SETD1B: variants seen among roughly 807,000 people sequenced by gnomAD.
The protein encoded by SETD1B is SET domain containing 1B, histone lysine methyltransferase.
SETD1B carries 7 observed loss-of-function variants against 148.0 expected under a neutral mutation model. The observed-to-expected ratio is 0.05, with a 90% confidence interval of 0.03 to 0.09. The LOEUF (loss-of-function observed/expected upper bound fraction) is 0.09, where lower values mean the gene tolerates loss of function less well. Ranked by LOEUF, SETD1B falls within the 10% of genes least tolerant of loss-of-function variation. The pLI, the probability that SETD1B is intolerant of heterozygous loss-of-function variation, is 1.00. For synonymous variants in SETD1B, 1,361 were observed against 1,186.5 expected, an observed-to-expected ratio of 1.15 and a Z score of -3.02; for missense variants, 2,155 against 2,729.9, an observed-to-expected ratio of 0.79 and a Z score of 4.69.
intron 6 of SETD1B, among the ~76,000 whole-genome samples, chr12:121,812,801 C>T (rs980647581): frequency 3.3e-5 from 5 of 151,992 alleles, no homozygotes; most frequent in Admixed American, 2.6e-4. Context: ...CAGAGGGGAC[C>T]TGGTAAAGTC....
At position 121,817,570 on chromosome 12, in the gene SETD1B, CCCTCGT is replaced by C. The variant is rs1876356171; in HGVS notation, c.3184_3189del (p.Ser1062_Ser1063del). 6.4e-7 allele frequency: 1 copy of C among 1,551,120 alleles called. No individual in the cohort carries two copies. Among genetic ancestry groups the C allele is most frequent in the Non-Finnish European group, 8.7e-7 (1 of 1,146,596 alleles). ...ATCCTCGGGGTCCTCAACCACCTCA[CCCTCGT>C]CCTCGGCCTCCGACAAGGAGGAGGA... is the stretch of plus-strand genomic sequence containing the variant. On this transcript the variant is annotated inframe_deletion, in exon 9 of 17. Coordinates refer to ENST00000604567, the MANE Select transcript of SETD1B (RefSeq NM_001353345.2). This position sits in a 1 kb window ranked among gnomAD's most constrained non-coding sequence, Gnocchi z 8.1.
the SETD1B span, among the ~76,000 whole-genome samples, chr12:121,791,370 C>T: frequency 6.6e-6 from 1 of 152,162 alleles, no homozygotes; most frequent in African/African-American, 2.4e-5. Context: ...CTGATTTAAT[C>T]CTCATGACCC....
At chr12:121,806,656 CGGGGAAGAGCAGAGCCG>C (rs1875758669) in intron 4 of SETD1B, among the ~76,000 whole-genome samples, 1 of 152,168 alleles carries the variant, frequency 6.6e-6, no homozygotes, top group East Asian at 1.9e-4. Flanking sequence ...ACAGAGCCGC[CGGGGAAGAGCAGAGCCG>C]GGAAGAGGGA....
the SETD1B span, among the ~76,000 whole-genome samples, chr12:121,798,984 C>T: frequency 6.6e-6 from 1 of 152,210 alleles, no homozygotes. Flanking sequence ...GGGCTGGAGT[C>T]TCAAAATGTG....
rs1229519961 is a variant in SETD1B at position 121,814,290 on chromosome 12, C to T, written c.2075C>T (p.Pro692Leu). ...CCACCTGGCTTCCCCCCGCTGCCCC[C>T]CCCACCACCACCACCCCCACCGCAG... ...PPPPGFPPLPPPPPPPPPQPG... is the reference protein window; with the variant it reads ...PPPPGFPPLPLPPPPPPPQPG... Residue 692 changes from proline to leucine, a missense_variant, in exon 7 of 17, where the codon CCC becomes CTC. Physicochemically the swap from Pro to Leu is moderately conservative, Grantham distance 98. Coordinates refer to ENST00000604567, the MANE Select transcript of SETD1B (RefSeq NM_001353345.2). 4 of 1,012,466 alleles carry T rather than the reference C, an allele frequency of 4.0e-6. No homozygotes were observed. The highest frequency in any genetic ancestry group is 1.5e-5 in the South Asian group (1 of 67,100). The allele number at this position is 1,012,466 out of a possible 1,614,324, so 62.7% of individuals were successfully genotyped here.
Position 121,822,667 on chromosome 12 carries a change from C to T in SETD1B, c.4088C>T (p.Thr1363Ile), listed in dbSNP as rs1876621084. The T allele has an allele frequency of 2.6e-6, 4 of 1,546,648 alleles. No homozygotes were observed. The highest frequency in any genetic ancestry group is 2.5e-5 in the East Asian group (1 of 40,774). ...CTTGCCGAGGACCACCCCCCGCATA[C>T]TCCAGGCCTCTGTGGCAGCCTGGCC... ...EPLAEDHPPHTPGLCGSLAKS... is the reference protein window; with the variant it reads ...EPLAEDHPPHIPGLCGSLAKS... Residue 1363 changes from threonine to isoleucine, a missense_variant, in exon 12 of 17, where the codon ACT (threonine) becomes ATT (isoleucine). By Grantham distance (89) the Thr-to-Ile change is moderately conservative (BLOSUM62 -1). Around this residue, in one of 11 missense-constraint regions of SETD1B, gnomAD observed 862 missense variants for 873.8 expected, o/e 0.99. Coordinates refer to ENST00000604567, the MANE Select transcript of SETD1B (RefSeq NM_001353345.2).
Position 121,805,001 on chromosome 12 carries a change from G to A in SETD1B, c.174+90G>A. The A allele has an allele frequency of 6.8e-7, 1 of 1,461,546 alleles. No homozygotes were observed. Among genetic ancestry groups the A allele is most frequent in the South Asian group, 1.3e-5 (1 of 74,514 alleles). The allele number at this position is 1,461,546 out of a possible 1,614,324, so 90.5% of individuals were successfully genotyped here. On this transcript the variant is annotated intron_variant, in intron 2 of 16. Coordinates refer to ENST00000604567, the MANE Select transcript of SETD1B (RefSeq NM_001353345.2). This position sits in a 1 kb window ranked among gnomAD's most constrained non-coding sequence, Gnocchi z 4.2. ...CCAGGGACCCCCCGCCCGATCCCCC[G>A]GCCAACTGTCAGACGGGGCCCCAGC...
chr12:121,813,394 C>A (rs894421221), intron 6 of SETD1B, among the ~76,000 whole-genome samples: 1 of 152,232 alleles, frequency 6.6e-6, no homozygotes, highest in Non-Finnish European at 1.5e-5. Context: ...TCCTGCCTGG[C>A]CGTCTGCCGC....
chr12:121,813,188 A>G (rs1876122657), intron 6 of SETD1B, among the ~76,000 whole-genome samples: 1 of 152,250 alleles, frequency 6.6e-6, no homozygotes, highest in Non-Finnish European at 1.5e-5. Flanking sequence ...GGGTCGGAGC[A>G]GAGCCCCCCG....
At chr12:121,809,500 C>T (rs117066558) in intron 5 of SETD1B, 103 bp from the exon 6 acceptor site, 13,485 of 1,231,578 alleles carry the variant, frequency 0.011, 96 homozygotes, top group Non-Finnish European at 0.013. Context: ...AGTTCTAGAG[C>T]AGTTTGGCTC....
In SETD1B at chr12:121,810,318, A is replaced by G. The variant is rs1450643823; in HGVS notation, c.1373A>G (p.Asp458Gly). The G allele has an allele frequency of 1.3e-6, 2 of 1,543,990 alleles. No individual in the cohort carries two copies. Among genetic ancestry groups the G allele is most frequent in the South Asian group, 2.4e-5 (2 of 83,956 alleles). ...ACGCCACCCGGCCCGCCGCCCCCCG[A>G]CACCAACAGCATGGAGCTGGGCGGC... ...PGTPPGPPPP[D>G]TNSMELGGRP... Residue 458 changes from aspartate (D) to glycine (G), a missense_variant, in exon 6 of 17, where the codon GAC becomes GGC. By Grantham distance (94) the Asp-to-Gly change is moderately conservative (BLOSUM62 -1). Coordinates refer to ENST00000604567, the MANE Select transcript of SETD1B (RefSeq NM_001353345.2). The surrounding 1 kb of genome is among the most constrained non-coding windows in gnomAD (Gnocchi z 7.6).
chr12:121,797,815 G>A, the SETD1B span: 3 of 349,964 alleles, frequency 8.6e-6, no homozygotes, highest in Non-Finnish European at 1.7e-5. Context: ...AGGTTTCAGG[G>A]AGTATAGAAG....
Position 121,822,900 on chromosome 12 carries a change from G to T in SETD1B, c.4321G>T (p.Gly1441Trp), listed in dbSNP as rs1177272568. ...CACACCCACCTTCTCCGAGCCCAGC[G>T]GGCCCTTGCTCCTGCCCGTCTGCCC... ...SFTPTFSEPS[G>W]PLLLPVCPLP... is the part of the protein sequence containing the mutation. The change falls in exon 12 of 17, where the codon GGG becomes TGG. Residue 1441 changes from glycine to tryptophan, a missense_variant. Coordinates refer to ENST00000604567, the MANE Select transcript of SETD1B (RefSeq NM_001353345.2). 6.7e-7 allele frequency: 1 copy of T among 1,498,598 alleles called. No individual in the cohort carries two copies. Among genetic ancestry groups the T allele is most frequent in the Non-Finnish European group, 8.9e-7 (1 of 1,119,302 alleles). The allele number at this position is 1,498,598 out of a possible 1,614,324, so 92.8% of individuals were successfully genotyped here. A position where few individuals can be genotyped will look rare whatever the true frequency, so the allele number is the denominator to read the frequency against.
At position 121,819,364 on chromosome 12, in the gene SETD1B, C is replaced by T. The variant is rs775927946; in HGVS notation, c.3419-40C>T. On this transcript the variant is annotated intron_variant, in intron 10 of 16. Coordinates refer to ENST00000604567, the MANE Select transcript of SETD1B (RefSeq NM_001353345.2). ...GGGTCTGGTGGGGGCTGGGGCACAGCGGGTCCTCAGGCAGCCCCTCGTCTG... is the reference window on the plus strand; with the variant it reads ...GGGTCTGGTGGGGGCTGGGGCACAGTGGGTCCTCAGGCAGCCCCTCGTCTG... 2.9e-5 allele frequency: 45 copies of T among 1,549,894 alleles called. No individual in the cohort carries two copies. In the African/African-American group the frequency reaches 3.4e-4, roughly 12 times the overall value.
At chr12:121,793,892 A>C in the SETD1B span, 2 of 362,714 alleles carry the variant, frequency 5.5e-6, no homozygotes, top group Non-Finnish European at 4.9e-6. Context: ...TCCCACCCCC[A>C]ACCCACCGCC....
rs1472733199 is a variant in SETD1B, at chr12:121,810,154, A to T, written c.1209A>T (p.Pro403=). 2 of 1,549,762 alleles carry T rather than the reference A, an allele frequency of 1.3e-6. No individual in the cohort carries two copies. The highest frequency in any genetic ancestry group is 3.9e-5 in the Admixed American group (2 of 50,972). The change falls in exon 6 of 17, where the codon CCA becomes CCT. Residue 403 remains proline (P), a synonymous_variant. Coordinates refer to ENST00000604567, the MANE Select transcript of SETD1B (RefSeq NM_001353345.2). This position sits in a 1 kb window ranked among gnomAD's most constrained non-coding sequence, Gnocchi z 7.6. The part of the protein sequence containing the change: ...FKSAFSPYQT[P]VAHFPPPPEE... Reference sequence around the variant, plus strand: ...CTGCTTTCTCTCCGTATCAGACCCCAGTGGCCCACTTCCCTCCACCCCCGG... The same window carrying T: ...CTGCTTTCTCTCCGTATCAGACCCCTGTGGCCCACTTCCCTCCACCCCCGG...
At position 121,810,043 on chromosome 12, in the gene SETD1B, C is replaced by G. The variant is rs1875945451; in HGVS notation, c.1098C>G (p.Pro366=). Residue 366 remains proline (P), a synonymous_variant, in exon 6 of 17, where the codon CCC becomes CCG. Transcript: ENST00000604567. This position sits in a 1 kb window ranked among gnomAD's most constrained non-coding sequence, Gnocchi z 7.6. The part of the protein sequence containing the change: ...AVGGTGGSSG[P]PFKAQPQDSA... Reference sequence around the variant, plus strand: ...GCGGCACTGGGGGCAGCAGCGGTCCCCCGTTCAAGGCTCAACCACAGGATT... The same window carrying G: ...GCGGCACTGGGGGCAGCAGCGGTCCGCCGTTCAAGGCTCAACCACAGGATT... The G allele has an allele frequency of 6.5e-7, 1 of 1,550,312 alleles. No individual in the cohort carries two copies.
At position 121,805,978 on chromosome 12, in the gene SETD1B, G is replaced by T; in HGVS notation, c.417G>T (p.Lys139Asn). The T allele has an allele frequency of 6.4e-7, 1 of 1,551,634 alleles. No homozygotes were observed. The highest frequency in any genetic ancestry group is 1.4e-5 in the African/African-American group (1 of 73,128). ...AGGTGGAGATTTTGTACAACCCCAA[G>T]ACCAAGAAGCACCTGGGCATCGCCA... is the stretch of plus-strand genomic sequence containing the variant. Reference protein sequence around the residue: ...VEEVEILYNPKTKKHLGIAKV... With the variant: ...VEEVEILYNPNTKKHLGIAKV... The change falls in exon 4 of 17, where the codon AAG becomes AAT. Residue 139 changes from lysine to asparagine, a missense_variant. Lys to Asn is a moderately conservative substitution (Grantham distance 94). Coordinates refer to ENST00000604567, the MANE Select transcript of SETD1B (RefSeq NM_001353345.2). This position sits in a 1 kb window ranked among gnomAD's most constrained non-coding sequence, Gnocchi z 4.2.
Position 121,805,120 on chromosome 12 carries a change from G to A in SETD1B, c.177G>A (p.Met59Ile). The change falls in exon 3 of 17, where the codon ATG (methionine) becomes ATA (isoleucine). Residue 59 changes from methionine to isoleucine, a missense_variant and splice_region_variant. Coordinates refer to ENST00000604567, the MANE Select transcript of SETD1B (RefSeq NM_001353345.2). The surrounding 1 kb of genome is among the most constrained non-coding windows in gnomAD (Gnocchi z 4.2). Reference protein sequence around the residue: ...RYDGQHFSLAMSSNRPVEIVE... With the variant: ...RYDGQHFSLAISSNRPVEIVE... ...GGCCCCCCAATTTCTCCCCACAGAT[G>A]TCCAGCAACCGCCCGGTGGAAATTG... The A allele has an allele frequency of 6.4e-7, 1 of 1,551,636 alleles. No homozygotes were observed. Among genetic ancestry groups the A allele is most frequent in the Non-Finnish European group, 8.7e-7 (1 of 1,146,940 alleles).
Sources: gnomAD v4.1 joint callset for allele counts (sites outside exome capture counted in the v4.1 genomes callset) on GRCh38, gnomAD v4.1.1 for gene constraint, gnomAD v4.1.1 regional missense constraint, Gnocchi (gnomAD v3.1) non-coding constraint, MANE v1.5 for transcripts, NCBI Gene and HGNC (gene_info 2026-07-23, HGNC 2026-07-21) for gene names.